The following NCOA6 variants were observed in gnomAD, a reference collection of about 807,000 sequenced individuals.
NCOA6 encodes nuclear receptor coactivator 6, also known as NRC RAP250.
NCOA6 carries 49 observed loss-of-function variants against 171.4 expected under a neutral mutation model. The ratio of observed to expected loss-of-function variants is 0.29; its 90% CI spans 0.23 to 0.36. The LOEUF (loss-of-function observed/expected upper bound fraction) is 0.36. NCOA6 is among the 10% of genes least tolerant of loss of function. The pLI is 1.00. For synonymous variants in NCOA6, 910 were observed against 927.5 expected (o/e 0.98, Z 0.34); for missense variants, 2,248 against 2,554.5 (o/e 0.88, Z 2.59).
At chr20:34,752,968 G>A (rs1253978603) in intron 8 of NCOA6, among the ~76,000 whole-genome samples, 1 of 149,852 alleles carries the variant, frequency 6.7e-6, no homozygotes, top group Non-Finnish European at 1.5e-5. Flanking sequence ...TGTACATGTG[G>A]AAGGTACCAT....
At position 34,749,511 on chromosome 20, in the gene NCOA6, A is replaced by G; in HGVS notation, c.2684T>C (p.Ile895Thr). Residue 895 changes from isoleucine (I) to threonine (T), a missense_variant, in exon 9 of 15, where the codon ATA becomes ACA. Ile to Thr is a moderately conservative substitution (Grantham distance 89). Transcript: ENST00000359003. The part of the protein sequence containing the change: ...PLLVNLLQSD[I>T]SAGHFGVNNK... ...GTTTACCCCAAAATGGCCTGCAGAT[A>G]TGTCACTCTGCAATAAGTTGACCAA... is the stretch of plus-strand genomic sequence containing the variant. The G allele has an allele frequency of 6.2e-7, 1 of 1,614,172 alleles. No individual in the cohort carries two copies. The highest frequency in any genetic ancestry group is 1.1e-5 in the South Asian group (1 of 91,078).
chr20:34,782,976 C>T (rs1245429262), intron 2 of NCOA6, among the ~76,000 whole-genome samples: 1 of 152,074 alleles, frequency 6.6e-6, no homozygotes, highest in East Asian at 1.9e-4. Flanking sequence ...CTGAAATAAA[C>T]ACTTAAAAAT....
intron 1 of NCOA6, among the ~76,000 whole-genome samples, chr20:34,818,984 T>G (rs187585131): frequency 4.3e-4 from 65 of 152,344 alleles, no homozygotes; most frequent in South Asian, 2.7e-3. Flanking sequence ...ACTTAATACA[T>G]AGTAGATGCC....
intron 1 of NCOA6, among the ~76,000 whole-genome samples, chr20:34,809,810 T>C (rs937507143): frequency 6.6e-6 from 1 of 151,668 alleles, no homozygotes; most frequent in African/African-American, 2.4e-5. Flanking sequence ...CTACTAAAAA[T>C]AAAAAAAATT....
rs746922666 is a variant in NCOA6 at position 34,740,743 on chromosome 20, G to A, written c.5513C>T (p.Ser1838Phe). The A allele has an allele frequency of 6.2e-7, 1 of 1,614,080 alleles. No homozygotes were observed. Among genetic ancestry groups the A allele is most frequent in the East Asian group, 2.2e-5 (1 of 44,900 alleles). ...ATATTGTTCTTCCCCTTTCTCAAGA[G>A]AGCCTGTAACTTTCTTACATGCCTT... The part of the protein sequence containing the change: ...LTKACKKVTG[S>F]LEKGEEQYGA... Residue 1838 changes from serine to phenylalanine, a missense_variant, in exon 11 of 15, where the codon TCT (serine) becomes TTT (phenylalanine). Physicochemically the swap from Ser to Phe is radical, Grantham distance 155. Around this residue, in one of 7 missense-constraint regions of NCOA6, gnomAD observed 884 missense variants for 941.9 expected, o/e 0.94. Coordinates refer to ENST00000359003, the MANE Select transcript of NCOA6 (RefSeq NM_014071.5).
At chr20:34,775,159 G>A (rs1159008174) in intron 4 of NCOA6, among the ~76,000 whole-genome samples, 1 of 152,168 alleles carries the variant, frequency 6.6e-6, no homozygotes, top group Non-Finnish European at 1.5e-5. Context: ...AGGGAGGAAA[G>A]TTACACAAGA....
At chr20:34,735,169 T>C (rs2075911471) in intron 12 of NCOA6, among the ~76,000 whole-genome samples, 1 of 152,138 alleles carries the variant, frequency 6.6e-6, no homozygotes, top group Non-Finnish European at 1.5e-5. Context: ...GTAAATCCTA[T>C]TTTCTAGAGT....
chr20:34,809,023 G>A (rs945952002), intron 1 of NCOA6, among the ~76,000 whole-genome samples: 3 of 152,170 alleles, frequency 2.0e-5, no homozygotes, highest in South Asian at 4.1e-4. Flanking sequence ...AGGTAGCCTT[G>A]ATTTCCCCCT....
At position 34,727,325 on chromosome 20, in the gene NCOA6, C is replaced by T. The variant is rs1228323030; in HGVS notation, c.6082G>A (p.Glu2028Lys). 4 of 1,614,182 alleles carry T rather than the reference C, an allele frequency of 2.5e-6. No homozygotes were observed. The highest frequency in any genetic ancestry group is 2.5e-6 in the Non-Finnish European group (3 of 1,180,044). Residue 2028 changes from glutamate (E) to lysine (K), a missense_variant, in exon 14 of 15, where the codon GAA (glutamate) becomes AAA (lysine). Glu to Lys is a moderately conservative substitution (Grantham distance 56). Coordinates refer to ENST00000359003, the MANE Select transcript of NCOA6 (RefSeq NM_014071.5). The stretch of plus-strand genomic sequence containing the variant: ...TTACGATGTCCATTTTCCACACTTT[C>T]AGAGGCCACAGTTGGCTCTTCAGTT... ...SRTEEPTVASESVENGHRKRS... is the reference protein window; with the variant it reads ...SRTEEPTVASKSVENGHRKRS...
At position 34,715,289 on chromosome 20, in the gene NCOA6, C is replaced by T; in HGVS notation, c.*33G>A. On this transcript the variant is annotated 3_prime_UTR_variant, in exon 15 of 15. Transcript: ENST00000359003. The stretch of plus-strand genomic sequence containing the variant: ...AATTGCTCTTTGTAAAAGTCACACA[C>T]ATTTCCAAGTATCAAGTCGCAGTCC... The T allele has an allele frequency of 1.2e-6, 2 of 1,613,736 alleles. No individual in the cohort carries two copies. Among genetic ancestry groups the T allele is most frequent in the Non-Finnish European group, 8.5e-7 (1 of 1,179,698 alleles).
Position 34,736,769 on chromosome 20 carries a change from G to C in NCOA6, c.5894-11C>G. On this transcript the variant is annotated splice_polypyrimidine_tract_variant and intron_variant, in intron 11 of 14. Coordinates refer to ENST00000359003, the MANE Select transcript of NCOA6 (RefSeq NM_014071.5). ...AATTCTGCGACGGGGCTAAGGCAAG[G>C]AAAAAAAAATTACAGACCTTTTACT... The C allele has an allele frequency of 6.3e-7, 1 of 1,577,896 alleles. No homozygotes were observed. Among genetic ancestry groups the C allele is most frequent in the South Asian group, 1.2e-5 (1 of 86,010 alleles).
Position 34,758,118 on chromosome 20 carries a change from G to T in NCOA6, c.644-14C>A. 1 of 1,589,216 alleles carries T rather than the reference G, an allele frequency of 6.3e-7. No homozygotes were observed. The highest frequency in any genetic ancestry group is 8.6e-7 in the Non-Finnish European group (1 of 1,165,412). On this transcript the variant is annotated splice_polypyrimidine_tract_variant and intron_variant, in intron 6 of 14. Transcript: ENST00000359003. ...GATCCATTGCATCTGTTTAAAGATA[G>T]TCAACAAAGCAATAATTAACCTACT...
At position 34,741,194 on chromosome 20, in the gene NCOA6, CAG is replaced by C; in HGVS notation, c.5060_5061del (p.Ser1687TrpfsTer29). The C allele has an allele frequency of 6.2e-7, 1 of 1,614,182 alleles. No homozygotes were observed. Among genetic ancestry groups the C allele is most frequent in the African/African-American group, 1.3e-5 (1 of 75,048 alleles). On this transcript the variant is annotated frameshift_variant, in exon 11 of 15. Coordinates refer to ENST00000359003, the MANE Select transcript of NCOA6 (RefSeq NM_014071.5). LOFTEE classifies it high-confidence loss of function. Reference sequence around the variant, plus strand: ...ACTGCAACAGAGGGAGGCATCAGGCCAGAGTTGGTTGTCAGTGGGGCTGCAGG... The same window carrying C: ...ACTGCAACAGAGGGAGGCATCAGGCCAGTTGGTTGTCAGTGGGGCTGCAGG... ...TIPAAPLTTN[S>X]GLMPPSVAVV...
chr20:34,773,648 C>T (rs1309930442), intron 4 of NCOA6, among the ~76,000 whole-genome samples: 8 of 152,166 alleles, frequency 5.3e-5, no homozygotes, highest in African/African-American at 1.9e-4. Context: ...CTTAGCCTCC[C>T]GAGTAGCTGG....
At chr20:34,788,591 A>G (rs995281273) in intron 2 of NCOA6, among the ~76,000 whole-genome samples, 4 of 152,182 alleles carry the variant, frequency 2.6e-5, no homozygotes, top group African/African-American at 9.7e-5. Context: ...CTGGTGTTCA[A>G]GCCCTGCCTC....
At position 34,757,271 on chromosome 20, in the gene NCOA6, G is replaced by T. The variant is rs1460478075; in HGVS notation, c.1477C>A (p.Gln493Lys). The T allele has an allele frequency of 6.2e-7, 1 of 1,611,340 alleles. No homozygotes were observed. The highest frequency in any genetic ancestry group is 8.5e-7 in the Non-Finnish European group (1 of 1,178,452). The change falls in exon 7 of 15, where the codon CAG (glutamine) becomes AAG (lysine). Residue 493 changes from glutamine (Q) to lysine (K), a missense_variant. Physicochemically the swap from Gln to Lys is moderately conservative, Grantham distance 53 (BLOSUM62 1). Around this residue, in one of 7 missense-constraint regions of NCOA6, gnomAD observed 987 missense variants for 1,104.7 expected, o/e 0.89. Coordinates refer to ENST00000359003, the MANE Select transcript of NCOA6 (RefSeq NM_014071.5). ...GNVPPNFMVM[Q>K]QQPPNQGPQS... ...GGCCCCTGGTTTGGTGGTTGCTGCT[G>T]CATCACCATGAAGTTAGGTGGCACA... is the stretch of plus-strand genomic sequence containing the variant.
chr20:34,789,116 T>C (rs980670298), intron 2 of NCOA6, among the ~76,000 whole-genome samples: 2 of 152,176 alleles, frequency 1.3e-5, no homozygotes, highest in Non-Finnish European at 2.9e-5. Flanking sequence ...AAATCAACAA[T>C]TCATCTAAGT....
intron 1 of NCOA6, among the ~76,000 whole-genome samples, chr20:34,811,465 G>A (rs1481052213): frequency 1.3e-5 from 2 of 151,340 alleles, no homozygotes; most frequent in Non-Finnish European, 2.9e-5. Flanking sequence ...AGACTCTTTT[G>A]CCTGCATTTA....
At chr20:34,716,167 C>T (rs1003395544) in intron 14 of NCOA6, among the ~76,000 whole-genome samples, 13 of 139,546 alleles carry the variant, frequency 9.3e-5, no homozygotes, top group Admixed American at 4.8e-4. Flanking sequence ...TCCAGTAAGC[C>T]GATATCCCAC....
Sources: allele counts gnomAD v4.1 joint callset (sites outside exome capture counted in the v4.1 genomes callset), GRCh38; gene constraint gnomAD v4.1.1; regional missense constraint gnomAD v4.1.1; transcripts MANE v1.5; gene names NCBI Gene and HGNC (gene_info 2026-07-23, HGNC 2026-07-21).